The following CCDC152 variants were observed in gnomAD, a reference collection of about 807,000 sequenced individuals.
CCDC152 encodes the protein coiled-coil domain-containing protein 152.
CCDC152 carries 37 observed loss-of-function variants against 38.1 expected under a neutral mutation model. That is an observed-to-expected ratio of 0.97 (90% CI 0.75 to 1.28). The LOEUF (loss-of-function observed/expected upper bound fraction) is 1.28, where lower values mean the gene tolerates loss of function less well. CCDC152 is among the 50% of genes most tolerant of loss of function. The pLI is 0.00. For missense variants in CCDC152, 259 were observed against 292.1 expected, an observed-to-expected ratio of 0.89 and a Z score of 0.83; for synonymous variants, 83 against 87.1, an observed-to-expected ratio of 0.95 and a Z score of 0.26.
intron 4 of CCDC152, among the ~76,000 whole-genome samples, chr5:42,773,254 T>C (rs1051152188): frequency 1.2e-4 from 19 of 152,332 alleles, no homozygotes; most frequent in African/African-American, 4.1e-4. Flanking sequence ...TTTAGTCTTA[T>C]CAATGAATCT....
At chr5:42,789,134 G>C (rs1759964799) in intron 6 of CCDC152, among the ~76,000 whole-genome samples, 1 of 152,234 alleles carries the variant, frequency 6.6e-6, no homozygotes, top group South Asian at 2.1e-4. Flanking sequence ...GACCTCCTTA[G>C]TAGTTTGGCA....
In CCDC152 at chr5:42,800,366, C is replaced by T. The variant is rs1361421641; in HGVS notation, c.*585C>T. On this transcript the variant is annotated 3_prime_UTR_variant, in exon 9 of 9. Coordinates refer to ENST00000361970, the MANE Select transcript of CCDC152 (RefSeq NM_001134848.2). ...GATAAGTAAAGAAAAAAATGGAAAG[C>T]ATGTCTTTGTTGTTCTTCCTCCATT... 1 of 172,614 alleles carries T rather than the reference C, an allele frequency of 5.8e-6. No homozygotes were observed. Among genetic ancestry groups the T allele is most frequent in the Non-Finnish European group, 1.2e-5 (1 of 82,272 alleles). The allele number at this position is 172,614 out of a possible 1,614,324, so 10.7% of individuals were successfully genotyped here.
chr5:42,775,153 A>G (rs1364218941), intron 4 of CCDC152, among the ~76,000 whole-genome samples: 5 of 152,156 alleles, frequency 3.3e-5, no homozygotes, highest in African/African-American at 1.2e-4. Context: ...CAGAAGAAAC[A>G]TCAGAAGCAA....
intron 3 of CCDC152, among the ~76,000 whole-genome samples, chr5:42,765,621 T>C (rs1447309382): frequency 3.9e-5 from 6 of 152,094 alleles, no homozygotes; most frequent in Non-Finnish European, 5.9e-5. Flanking sequence ...ACATCTATAG[T>C]GAGCTCATTT....
chr5:42,756,890 A>C lies in CCDC152; in HGVS notation c.-3+5A>C, dbSNP rs1309777966. ...GGGAACTAGGAGCAACAGCAGGTAC[A>C]CTCCAAATTCTATTGACGGTTCGAA... On this transcript the variant is annotated splice_donor_5th_base_variant and intron_variant, in intron 1 of 8. Transcript: ENST00000361970. 6.5e-6 allele frequency: 1 copy of C among 152,734 alleles called. No homozygotes were observed. Among genetic ancestry groups the C allele is most frequent in the Non-Finnish European group, 1.5e-5 (1 of 68,196 alleles). 9.5% of individuals were successfully genotyped at this position (152,734 alleles called of 1,614,324 possible).
chr5:42,758,594 A>C (rs1035061378), intron 1 of CCDC152, among the ~76,000 whole-genome samples: 2 of 152,214 alleles, frequency 1.3e-5, no homozygotes, highest in Non-Finnish European at 2.9e-5. Context: ...TTGATTTCAT[A>C]GGACTAAAAC....
intron 4 of CCDC152, among the ~76,000 whole-genome samples, chr5:42,774,368 ATGT>A (rs1180576311): frequency 6.6e-6 from 1 of 152,132 alleles, no homozygotes; most frequent in African/African-American, 2.4e-5. Flanking sequence ...AAATTCCCTC[ATGT>A]TGTTGGCTGG....
Position 42,798,713 on chromosome 5 carries a change from T to G in CCDC152, c.559-662T>G, listed in dbSNP as rs867551380. On this transcript the variant is annotated intron_variant, in intron 7 of 8. Transcript: ENST00000361970. Reference sequence around the variant, plus strand: ...ACCAGAGCATAATCTCAGAGTTTATTCTTAGTCCTCAGAGAGGCTATGTTA... The same window carrying G: ...ACCAGAGCATAATCTCAGAGTTTATGCTTAGTCCTCAGAGAGGCTATGTTA... Among the ~76,000 whole-genome samples, 3 of 152,224 alleles carry G rather than the reference T, an allele frequency of 2.0e-5. No homozygotes were observed. The South Asian group carries it at 6.2e-4, about 31-fold the overall frequency.
chr5:42,801,807 C>G lies in CCDC152; in HGVS notation c.*2026C>G, dbSNP rs1410977267. ...TGTCAGATGCCTGTAGTCCCAGCTA[C>G]TTGTGAGGCTGAGGTGGGAGGATCG... On this transcript the variant is annotated 3_prime_UTR_variant, in exon 9 of 9. Coordinates refer to ENST00000361970, the MANE Select transcript of CCDC152 (RefSeq NM_001134848.2). The G allele has an allele frequency of 6.4e-6, 1 of 155,942 alleles. No homozygotes were observed. The highest frequency in any genetic ancestry group is 1.4e-5 in the Non-Finnish European group (1 of 70,728). 9.7% of individuals were successfully genotyped at this position (155,942 alleles called of 1,614,324 possible).
chr5:42,801,670 A>G lies in CCDC152; in HGVS notation c.*1889A>G, dbSNP rs1284789193. ...GGTGGCTCATGCCTGTAATCCCACC[A>G]CTTTGGGTGGCCGAGGGGGGCAGAT... On this transcript the variant is annotated 3_prime_UTR_variant, in exon 9 of 9. Coordinates refer to ENST00000361970, the MANE Select transcript of CCDC152 (RefSeq NM_001134848.2). 3.2e-6 allele frequency: 1 copy of G among 311,328 alleles called. No homozygotes were observed. The highest frequency in any genetic ancestry group is 2.1e-5 in the African/African-American group (1 of 46,852). 19.3% of individuals were successfully genotyped at this position (311,328 alleles called of 1,614,324 possible).
In CCDC152 at chr5:42,800,906, A is replaced by G. The variant is rs1025154051; in HGVS notation, c.*1125A>G. On this transcript the variant is annotated 3_prime_UTR_variant, in exon 9 of 9. Coordinates refer to ENST00000361970, the MANE Select transcript of CCDC152 (RefSeq NM_001134848.2). ...TACATAAAGATGGGAGGTTTTCTTT[A>G]CACTGTCAGGTGATTGCAGACCCTG... The G allele has an allele frequency of 2.5e-6, 4 of 1,614,094 alleles. No homozygotes were observed. Among genetic ancestry groups the G allele is most frequent in the African/African-American group, 2.7e-5 (2 of 74,912 alleles).
chr5:42,769,411 C>A (rs1759668740), intron 3 of CCDC152, among the ~76,000 whole-genome samples, 186 bp from the exon 4 acceptor site: 1 of 151,810 alleles, frequency 6.6e-6, no homozygotes, highest in South Asian at 2.1e-4. Context: ...GAGCATAGCC[C>A]CCTGCAGCCT....
At chr5:42,793,454 T>A (rs1003988242) in intron 6 of CCDC152, among the ~76,000 whole-genome samples, 1 of 152,136 alleles carries the variant, frequency 6.6e-6, no homozygotes, top group African/African-American at 2.4e-5. Context: ...AATCTGACTT[T>A]AAAAATACAA....
intron 2 of CCDC152, among the ~76,000 whole-genome samples, chr5:42,759,473 A>C (rs902317413): frequency 2.0e-5 from 3 of 152,262 alleles, no homozygotes; most frequent in Non-Finnish European, 2.9e-5. Context: ...CAGAAAATAC[A>C]TATAGTAGTC....
At chr5:42,769,091 A>T (rs920321796) in intron 3 of CCDC152, among the ~76,000 whole-genome samples, 6 of 152,022 alleles carry the variant, frequency 3.9e-5, no homozygotes, top group Non-Finnish European at 7.4e-5. Context: ...CTACAAAAAT[A>T]TACAAAAACT....
In CCDC152 at chr5:42,799,849, T is replaced by C; in HGVS notation, c.*68T>C. 6.7e-7 allele frequency: 1 copy of C among 1,481,598 alleles called. No individual in the cohort carries two copies. Among genetic ancestry groups the C allele is most frequent in the African/African-American group, 1.4e-5 (1 of 71,150 alleles). The allele number at this position is 1,481,598 out of a possible 1,614,324, so 91.8% of individuals were successfully genotyped here. A position where few individuals can be genotyped will look rare whatever the true frequency, so the allele number is the denominator to read the frequency against. On this transcript the variant is annotated 3_prime_UTR_variant, in exon 9 of 9. Coordinates refer to ENST00000361970, the MANE Select transcript of CCDC152 (RefSeq NM_001134848.2). ...TCGAAAGTTTCACTTCTGTTTTCAA[T>C]ATATGCATACAGCCTACATAACAAA...
At chr5:42,797,610 C>T (rs1159513147) in intron 7 of CCDC152, among the ~76,000 whole-genome samples, 2 of 152,168 alleles carry the variant, frequency 1.3e-5, no homozygotes, top group East Asian at 1.9e-4. Flanking sequence ...TCTACCATTC[C>T]AGCATGGGAA....
chr5:42,797,238 A>T (rs1404027535), intron 7 of CCDC152, among the ~76,000 whole-genome samples: 1 of 152,236 alleles, frequency 6.6e-6, no homozygotes, highest in African/African-American at 2.4e-5. Flanking sequence ...TTTTCTTCTC[A>T]GTATTTCCCA....
chr5:42,758,330 T>G (rs1759508006), intron 1 of CCDC152, among the ~76,000 whole-genome samples: 1 of 152,242 alleles, frequency 6.6e-6, no homozygotes, highest in Admixed American at 6.5e-5. Context: ...GGAATTTTAC[T>G]TACATTTTAC....
Sources: gnomAD v4.1 joint callset for allele counts (sites outside exome capture counted in the v4.1 genomes callset) on GRCh38, gnomAD v4.1.1 for gene constraint, MANE v1.5 for transcripts, NCBI Gene and HGNC (gene_info 2026-07-23, HGNC 2026-07-21) for gene names.